Variants in MIPOL1 observed in about 807,000 individuals in gnomAD.
MIPOL1 encodes the protein mirror-image polydactyly gene 1 protein.
In MIPOL1, 57 loss-of-function variants were observed where a neutral mutation model predicts 60.9. The ratio of observed to expected loss-of-function variants is 0.94; its 90% CI spans 0.76 to 1.17. The LOEUF (loss-of-function observed/expected upper bound fraction) is 1.17, where lower values mean the gene tolerates loss of function less well. Among genes scored for constraint, MIPOL1 ranks in the 50% most tolerant of loss-of-function variants. The pLI, the probability that MIPOL1 is intolerant of heterozygous loss-of-function variation, is 0.00. For synonymous variants in MIPOL1, 179 were observed against 168.8 expected (o/e 1.06, Z -0.47); for missense variants, 551 against 511.6 (o/e 1.08, Z -0.74).
chr14:37,402,254 C>A (rs1395802686), intron 10 of MIPOL1, among the ~76,000 whole-genome samples: 1 of 152,048 alleles, frequency 6.6e-6, no homozygotes, highest in East Asian at 1.9e-4. Flanking sequence ...TTATTGAAAA[C>A]ATTTAATGAA....
At chr14:37,211,011 G>T (rs1280270793) in intron 1 of MIPOL1, among the ~76,000 whole-genome samples, 3 of 152,210 alleles carry the variant, frequency 2.0e-5, no homozygotes, top group African/African-American at 7.2e-5. Flanking sequence ...CCGAGGAAAG[G>T]TGAGTACAGC....
chr14:37,444,736 T>A (rs955035508), intron 11 of MIPOL1, among the ~76,000 whole-genome samples: 2 of 152,096 alleles, frequency 1.3e-5, no homozygotes, highest in African/African-American at 2.4e-5. Context: ...CATGACCAAG[T>A]GGGCTTCATC....
chr14:37,254,669 C>T (rs980104608), intron 3 of MIPOL1, among the ~76,000 whole-genome samples: 3 of 151,618 alleles, frequency 2.0e-5, no homozygotes, highest in African/African-American at 7.3e-5. Flanking sequence ...AGGATTTCTT[C>T]TTTCTCTTTA....
intron 9 of MIPOL1, among the ~76,000 whole-genome samples, chr14:37,315,944 G>A (rs1023795099): frequency 6.6e-5 from 10 of 152,080 alleles, no homozygotes; most frequent in African/African-American, 2.4e-4. Flanking sequence ...GGAAGGGAAT[G>A]TTGAATGAGG....
intron 1 of MIPOL1, among the ~76,000 whole-genome samples, chr14:37,204,955 T>TCA (rs1965849985): frequency 6.6e-6 from 1 of 152,130 alleles, no homozygotes; most frequent in Non-Finnish European, 1.5e-5. Flanking sequence ...GACAATAAAA[T>TCA]CTAGGCTGAG....
At chr14:37,504,775 T>G (rs2153616938) in intron 12 of MIPOL1, 1 of 152,178 alleles carries the variant, frequency 6.6e-6, no homozygotes, top group Admixed American at 6.5e-5. Context: ...CTGAAGAAGA[T>G]GGAGACGCAA....
intron 1 of MIPOL1, among the ~76,000 whole-genome samples, chr14:37,204,183 G>C (rs1044175252): frequency 6.6e-6 from 1 of 151,942 alleles, no homozygotes; most frequent in Non-Finnish European, 1.5e-5. Context: ...CTGACACTTC[G>C]ATTCCAGCCT....
At chr14:37,291,428 A>G (rs1328258460) in intron 7 of MIPOL1, among the ~76,000 whole-genome samples, 1 of 108,038 alleles carries the variant, frequency 9.3e-6, no homozygotes. Flanking sequence ...TGGTCTTTCT[A>G]ATTAATGTAT....
At chr14:37,409,856 G>A (rs534120869) in intron 10 of MIPOL1, among the ~76,000 whole-genome samples, 31 of 152,236 alleles carry the variant, frequency 2.0e-4, no homozygotes, top group African/African-American at 7.0e-4. Context: ...ATTACCCATA[G>A]TTCAACACAG....
chr14:37,438,645 A>G (rs2094198492), intron 11 of MIPOL1, among the ~76,000 whole-genome samples: 1 of 152,216 alleles, frequency 6.6e-6, no homozygotes. Flanking sequence ...CACAAAACAC[A>G]TCACTGAGAC....
At position 37,550,707 on chromosome 14, in the gene MIPOL1, A is replaced by C. The variant is rs1411896620; in HGVS notation, c.*3736A>C. ...TAGCTAAATATGTCATCTCTAGAAA[A>C]GATGTGGTTTGTTTTGGCACTGTTT... On this transcript the variant is annotated 3_prime_UTR_variant, in exon 13 of 13. Coordinates refer to ENST00000684589, the MANE Select transcript of MIPOL1 (RefSeq NM_001388067.1). The C allele has an allele frequency of 1.3e-5, 2 of 152,496 alleles. No homozygotes were observed. Among genetic ancestry groups the C allele is most frequent in the Non-Finnish European group, 2.9e-5 (2 of 67,972 alleles). 9.4% of individuals were successfully genotyped at this position (152,496 alleles called of 1,614,324 possible).
At chr14:37,438,021 T>C (rs1382358667) in intron 11 of MIPOL1, among the ~76,000 whole-genome samples, 1 of 152,150 alleles carries the variant, frequency 6.6e-6, no homozygotes, top group Non-Finnish European at 1.5e-5. Flanking sequence ...GTAGTTAAGA[T>C]GGTTGATTTT....
At chr14:37,312,638 T>A (rs1375311757) in intron 9 of MIPOL1, among the ~76,000 whole-genome samples, 1 of 152,162 alleles carries the variant, frequency 6.6e-6, no homozygotes, top group Non-Finnish European at 1.5e-5. Flanking sequence ...AGATAAATCC[T>A]TATACTCTTT....
intron 9 of MIPOL1, among the ~76,000 whole-genome samples, chr14:37,337,101 AGTATCACTTGGTTGCT>A (rs1269272556): frequency 6.6e-6 from 1 of 151,438 alleles, no homozygotes; most frequent in African/African-American, 2.4e-5. Context: ...CCTTGGTTGT[AGTATCACTTGGTTGCT>A]GTGGCTTCTT....
intron 9 of MIPOL1, among the ~76,000 whole-genome samples, chr14:37,319,836 C>T (rs1164257349): frequency 6.6e-6 from 1 of 152,006 alleles, no homozygotes; most frequent in African/African-American, 2.4e-5. Context: ...ATAATCACTC[C>T]TCTTATTTCT....
At chr14:37,320,901 T>C (rs763732034) in intron 9 of MIPOL1, among the ~76,000 whole-genome samples, 6 of 152,050 alleles carry the variant, frequency 3.9e-5, no homozygotes, top group Non-Finnish European at 4.4e-5. Context: ...ATGTAATGAC[T>C]TAGGTTATTG....
rs1274052061 is a variant in MIPOL1 at position 37,546,993 on chromosome 14, G to C, written c.*22G>C. On this transcript the variant is annotated 3_prime_UTR_variant, in exon 13 of 13. Transcript: ENST00000684589. ...CTGATTGAAAAAAAACGACAGTCTG[G>C]GGAAGCGATCACATCTGGTGACCAG... is the stretch of plus-strand genomic sequence containing the variant. 1 of 1,609,060 alleles carries C rather than the reference G, an allele frequency of 6.2e-7. No individual in the cohort carries two copies. Among genetic ancestry groups the C allele is most frequent in the East Asian group, 2.2e-5 (1 of 44,830 alleles).
chr14:37,404,904 A>C (rs2093558588), intron 10 of MIPOL1, among the ~76,000 whole-genome samples: 1 of 152,170 alleles, frequency 6.6e-6, no homozygotes, highest in African/African-American at 2.4e-5. Flanking sequence ...CTCTTTTAAC[A>C]TCCAATCTGT....
intron 8 of MIPOL1, 91 bp downstream of exon 8, chr14:37,308,180 G>A: frequency 1.5e-6 from 2 of 1,316,290 alleles, no homozygotes; most frequent in South Asian, 1.4e-5. Context: ...CTAAGATGTG[G>A]GAAAAAGAAG....
Sources: allele counts gnomAD v4.1 joint callset (sites outside exome capture counted in the v4.1 genomes callset), GRCh38; gene constraint gnomAD v4.1.1; transcripts MANE v1.5; gene names NCBI Gene and HGNC (gene_info 2026-07-23, HGNC 2026-07-21).